Variants in GLI3 observed in about 807,000 individuals in gnomAD.
GLI3 encodes the protein transcription activator GLI3.
In GLI3, 20 loss-of-function variants were observed where a neutral mutation model predicts 100.8. The ratio of observed to expected loss-of-function variants is 0.20; its 90% CI spans 0.14 to 0.29. GLI3 has a LOEUF of 0.29. Among genes scored for constraint, GLI3 ranks in the 10% least tolerant of loss-of-function variants. The probability of loss-of-function intolerance (pLI) is 1.00; values close to 1 mark genes in which losing one functional copy is unlikely to be tolerated. For missense variants in GLI3, 2,040 were observed against 2,128.5 expected (o/e 0.96, Z 0.82); for synonymous variants, 938 against 860.5 (o/e 1.09, Z -1.58).
chr7:42,062,417 G>T (rs138386257), intron 4 of GLI3, among the ~76,000 whole-genome samples: 16 of 152,060 alleles, frequency 1.1e-4, no homozygotes, highest in Non-Finnish European at 2.2e-4. Context: ...TCCTCTCTGG[G>T]CCACTGTGGT....
At chr7:42,252,580 T>C (rs17755180) in intron 1 of GLI3, among the ~76,000 whole-genome samples, 60,992 of 152,120 alleles carry the variant, frequency 0.4, 12,764 homozygotes, top group East Asian at 0.68. Context: ...AAGTGATTAT[T>C]GGAGCAAGCT....
intron 7 of GLI3, among the ~76,000 whole-genome samples, chr7:42,028,192 C>A (rs1789177020): frequency 6.6e-6 from 1 of 152,232 alleles, no homozygotes; most frequent in African/African-American, 2.4e-5. Flanking sequence ...TAAACAAAAA[C>A]CAAAATAACC....
At chr7:42,192,338 G>A (rs978028219) in intron 2 of GLI3, among the ~76,000 whole-genome samples, 1 of 152,170 alleles carries the variant, frequency 6.6e-6, no homozygotes, top group African/African-American at 2.4e-5. Flanking sequence ...TTGGGTCCAT[G>A]CAGCATCTCT....
intron 2 of GLI3, among the ~76,000 whole-genome samples, chr7:42,166,856 A>G (rs542402626): frequency 7.6e-6 from 1 of 131,558 alleles, no homozygotes; most frequent in Non-Finnish European, 1.6e-5. Flanking sequence ...ATGGAGTTTC[A>G]TGCTTGTCAC....
In GLI3 at chr7:41,965,321, G is replaced by A; in HGVS notation, c.3752C>T (p.Ala1251Val). Residue 1251 changes from alanine (A) to valine (V), a missense_variant, in exon 15 of 15, where the codon GCC becomes GTC. By Grantham distance (64) the Ala-to-Val change is moderately conservative. This residue lies in a region of GLI3 where 1,041 missense variants were observed against 924.0 expected (regional missense o/e 1.13). Coordinates refer to ENST00000395925, the MANE Select transcript of GLI3 (RefSeq NM_000168.6). The stretch of plus-strand genomic sequence containing the variant: ...GTTGAGACAGTTCCCATACTGCGGG[G>A]CCTTACAGGGCTGTTCATGGAAGGC... ...GNAFHEQPCK[A>V]PQYGNCLNRQ... 1 of 1,613,930 alleles carries A rather than the reference G, an allele frequency of 6.2e-7. No individual in the cohort carries two copies. The highest frequency in any genetic ancestry group is 8.5e-7 in the Non-Finnish European group (1 of 1,179,902).
At chr7:42,059,003 C>A (rs1364694812) in intron 4 of GLI3, among the ~76,000 whole-genome samples, 1 of 152,176 alleles carries the variant, frequency 6.6e-6, no homozygotes, top group Non-Finnish European at 1.5e-5. Context: ...CAAATAAGTA[C>A]TTGAGAGCTA....
At chr7:41,995,582 T>C (rs1405192227) in intron 10 of GLI3, among the ~76,000 whole-genome samples, 1 of 152,128 alleles carries the variant, frequency 6.6e-6, no homozygotes, top group African/African-American at 2.4e-5. Context: ...TATGTAGATG[T>C]AGCTGAGGAA....
At chr7:42,105,818 G>A (rs149501184) in intron 3 of GLI3, among the ~76,000 whole-genome samples, 260 of 152,086 alleles carry the variant, frequency 1.7e-3, no homozygotes, top group African/African-American at 5.9e-3. Context: ...AAGCAAAGAG[G>A]CAGCTCTGTC....
chr7:42,198,138 C>A (rs1056160969), intron 2 of GLI3, among the ~76,000 whole-genome samples: 1 of 152,182 alleles, frequency 6.6e-6, no homozygotes, highest in Non-Finnish European at 1.5e-5. Flanking sequence ...TGAGCCCCTG[C>A]ACTGTGGCGG....
intron 2 of GLI3, among the ~76,000 whole-genome samples, chr7:42,179,743 G>A (rs1285866026): frequency 1.3e-5 from 2 of 152,240 alleles, no homozygotes; most frequent in East Asian, 3.9e-4. Context: ...GAGAGACGGA[G>A]AGGTGAGGGA....
At chr7:42,122,176 C>T (rs1786017195) in intron 3 of GLI3, among the ~76,000 whole-genome samples, 1 of 148,128 alleles carries the variant, frequency 6.8e-6, no homozygotes, top group Non-Finnish European at 1.5e-5. Flanking sequence ...AATCAGATAG[C>T]ATGCTTATAT....
chr7:42,156,409 C>T (rs562803041), intron 2 of GLI3, among the ~76,000 whole-genome samples: 1 of 152,164 alleles, frequency 6.6e-6, no homozygotes, highest in Non-Finnish European at 1.5e-5. Context: ...TGCTTGGTAG[C>T]ACATTTATGA....
In GLI3 at chr7:41,964,412, G is replaced by T; in HGVS notation, c.4661C>A (p.Thr1554Asn). 6.2e-7 allele frequency: 1 copy of T among 1,614,008 alleles called. No individual in the cohort carries two copies. Among genetic ancestry groups the T allele is most frequent in the Non-Finnish European group, 8.5e-7 (1 of 1,179,842 alleles). Residue 1554 changes from threonine (T) to asparagine (N), a missense_variant, in exon 15 of 15, where the codon ACC becomes AAC. Thr to Asn is a moderately conservative substitution (Grantham distance 65). Coordinates refer to ENST00000395925, the MANE Select transcript of GLI3 (RefSeq NM_000168.6). ...SLPFPALSMS[T>N]TNMAIGDMSS... ...CATGTCCCCGATAGCCATGTTGGTG[G>T]TGCTCATGGACAGCGCTGGGAATGG...
chr7:42,033,984 T>C (rs991611761), intron 7 of GLI3, among the ~76,000 whole-genome samples: 3 of 152,182 alleles, frequency 2.0e-5, no homozygotes, highest in Non-Finnish European at 4.4e-5. Flanking sequence ...GAAAAATACA[T>C]TAGGTTTTAC....
chr7:41,997,035 G>A (rs1264614779), intron 10 of GLI3, among the ~76,000 whole-genome samples: 1 of 152,206 alleles, frequency 6.6e-6, no homozygotes, highest in Non-Finnish European at 1.5e-5. Context: ...TTCTTCATAT[G>A]GGAAAGCTGC....
chr7:42,052,030 T>A (rs1784362551), intron 4 of GLI3, among the ~76,000 whole-genome samples: 1 of 152,202 alleles, frequency 6.6e-6, no homozygotes, highest in African/African-American at 2.4e-5. Context: ...ACCACTCATC[T>A]TTTTGCCCTC....
intron 5 of GLI3, 61 bp downstream of exon 5, chr7:42,048,430 C>T (rs887440888): frequency 2.0e-5 from 22 of 1,117,774 alleles, no homozygotes; most frequent in East Asian, 9.4e-5. Context: ...ATACACGTCC[C>T]GAGTGAGGAG....
intron 2 of GLI3, among the ~76,000 whole-genome samples, chr7:42,175,608 ACT>A (rs1158190916): frequency 1.4e-5 from 2 of 146,136 alleles, no homozygotes; most frequent in Non-Finnish European, 3.0e-5. Context: ...ACAGAGTGAG[ACT>A]CTGTCTCCAA....
chr7:42,147,779 A>G (rs142506931), intron 3 of GLI3, among the ~76,000 whole-genome samples: 2 of 152,340 alleles, frequency 1.3e-5, no homozygotes, highest in Non-Finnish European at 2.9e-5. Context: ...ACCATCAAAA[A>G]TGGGAATAGG....
Sources: allele counts gnomAD v4.1 joint callset (sites outside exome capture counted in the v4.1 genomes callset), GRCh38; gene constraint gnomAD v4.1.1; regional missense constraint gnomAD v4.1.1; transcripts MANE v1.5; gene names NCBI Gene and HGNC (gene_info 2026-07-23, HGNC 2026-07-21).